COQ8A: variants seen among roughly 807,000 people sequenced by gnomAD.
The protein encoded by COQ8A is coenzyme Q8A.
In COQ8A, 51 loss-of-function variants were observed where a neutral mutation model predicts 65.0. The observed-to-expected ratio is 0.78, with a 90% confidence interval of 0.63 to 0.99. The LOEUF (loss-of-function observed/expected upper bound fraction) is 0.99, where lower values mean the gene tolerates loss of function less well. COQ8A is among the 50% of genes least tolerant of loss of function. The pLI is 0.00. For missense variants in COQ8A, 940 were observed against 875.0 expected, an observed-to-expected ratio of 1.07 and a Z score of -0.94; for synonymous variants, 371 against 353.2, an observed-to-expected ratio of 1.05 and a Z score of -0.57.
chr1:226,984,447 A>G lies in COQ8A; in HGVS notation c.1399-101A>G, dbSNP rs988854661. 62 of 1,296,516 alleles carry G rather than the reference A, an allele frequency of 4.8e-5. No individual in the cohort carries two copies. In the Middle Eastern group the frequency reaches 1.3e-3, roughly 27 times the overall value. The allele number at this position is 1,296,516 out of a possible 1,614,324, so 80.3% of individuals were successfully genotyped here. A position where few individuals can be genotyped will look rare whatever the true frequency, so the allele number is the denominator to read the frequency against. On this transcript the variant is annotated intron_variant, in intron 11 of 14. Coordinates refer to ENST00000366777, the MANE Select transcript of COQ8A (RefSeq NM_020247.5). Reference sequence around the variant, plus strand: ...CTGGGAATCAAACAGTCCCTAGGGTAGGGTGGGTAAAACAGGAGGCAGGGG... The same window carrying G: ...CTGGGAATCAAACAGTCCCTAGGGTGGGGTGGGTAAAACAGGAGGCAGGGG...
In COQ8A at chr1:226,986,482, C is replaced by T; in HGVS notation, c.1689C>T (p.Ile563=). 6.2e-7 allele frequency: 1 copy of T among 1,613,304 alleles called. No individual in the cohort carries two copies. The highest frequency in any genetic ancestry group is 8.5e-7 in the Non-Finnish European group (1 of 1,180,008). The change falls in exon 15 of 15, where the codon ATC becomes ATT. Residue 563 remains isoleucine (I), a synonymous_variant. Transcript: ENST00000366777. ...KVMEDAHLDA[I]LILGEAFASD... ...TGGAAGACGCCCACTTGGATGCCAT[C>T]CTCATCCTGGGGGAGGCCTTCGCCT...
At chr1:226,942,384 G>A (rs1363981934) in intron 1 of COQ8A, among the ~76,000 whole-genome samples, 1 of 152,004 alleles carries the variant, frequency 6.6e-6, no homozygotes, top group Non-Finnish European at 1.5e-5. Flanking sequence ...GGCATGTACT[G>A]TGCCTGCTAA....
In COQ8A at chr1:226,965,174, G is replaced by A; in HGVS notation, c.352G>A (p.Ala118Thr). The A allele has an allele frequency of 6.2e-7, 1 of 1,613,796 alleles. No individual in the cohort carries two copies. Among genetic ancestry groups the A allele is most frequent in the Non-Finnish European group, 8.5e-7 (1 of 1,180,040 alleles). The part of the protein sequence containing the change: ...GHAHSEGPAP[A>T]YVASGPFREA... ...TGCCCACAGCGAGGGCCCAGCTCCT[G>A]CCTACGTGGCCAGTGGACCCTTTAG... Residue 118 changes from alanine to threonine, a missense_variant, in exon 3 of 15, where the codon GCC becomes ACC. Coordinates refer to ENST00000366777, the MANE Select transcript of COQ8A (RefSeq NM_020247.5).
intron 4 of COQ8A, among the ~76,000 whole-genome samples, chr1:226,970,926 G>A (rs906211246): frequency 6.6e-6 from 1 of 151,840 alleles, no homozygotes; most frequent in African/African-American, 2.4e-5. Flanking sequence ...AATTCTTTTA[G>A]TTTTTATTTA....
At chr1:226,948,171 G>T (rs916537562) in intron 1 of COQ8A, among the ~76,000 whole-genome samples, 1 of 152,194 alleles carries the variant, frequency 6.6e-6, no homozygotes, top group Non-Finnish European at 1.5e-5. Flanking sequence ...TAGAATCAAG[G>T]TATCAGCTGG....
At chr1:226,980,245 C>T (rs2148119216) in intron 5 of COQ8A, among the ~76,000 whole-genome samples, 1 of 152,360 alleles carries the variant, frequency 6.6e-6, no homozygotes, top group South Asian at 2.1e-4. Context: ...CCCCACTTGC[C>T]AGGTCATTCT....
At chr1:226,947,954 A>G (rs1657144226) in intron 1 of COQ8A, among the ~76,000 whole-genome samples, 2 of 152,184 alleles carry the variant, frequency 1.3e-5, no homozygotes, top group African/African-American at 4.8e-5. Context: ...GTTGGCATTC[A>G]GTAGTATTTG....
chr1:226,984,870 C>A lies in COQ8A; in HGVS notation c.1507-6C>A. ...GCCAAACTTCTCCTGGTGTCTCTGT[C>A]CCCAGGTGGCTCTTTTGGATTTTGG... On this transcript the variant is annotated splice_polypyrimidine_tract_variant and splice_region_variant and intron_variant, in intron 12 of 14. Coordinates refer to ENST00000366777, the MANE Select transcript of COQ8A (RefSeq NM_020247.5). 1 of 1,614,176 alleles carries A rather than the reference C, an allele frequency of 6.2e-7. No homozygotes were observed. Among genetic ancestry groups the A allele is most frequent in the Non-Finnish European group, 8.5e-7 (1 of 1,180,004 alleles).
intron 4 of COQ8A, among the ~76,000 whole-genome samples, chr1:226,969,991 C>G (rs1658790089): frequency 6.6e-6 from 1 of 151,658 alleles, no homozygotes; most frequent in Non-Finnish European, 1.5e-5. Flanking sequence ...TTTTTGGAGA[C>G]AGTCTCGCTC....
intron 3 of COQ8A, 101 bp from the exon 4 acceptor site, chr1:226,965,570 G>A: frequency 6.6e-7 from 1 of 1,521,438 alleles, no homozygotes; most frequent in Non-Finnish European, 9.1e-7. Flanking sequence ...CGGAGCTGCT[G>A]ACTGTGGGGT....
rs548317868 is a variant in COQ8A, at chr1:226,983,003, A to G, written c.1049A>G (p.Lys350Arg). Residue 350 changes from lysine to arginine, a missense_variant, in exon 8 of 15, where the codon AAG (lysine) becomes AGG (arginine). By Grantham distance (26) the Lys-to-Arg change is conservative. Transcript: ENST00000366777. ...GGGCAGGTGCACTTGGCCCGAATGA[A>G]GGGCGGCCGCGAGGTGGCCATGAAG... Reference protein sequence around the residue: ...SIGQVHLARMKGGREVAMKIQ... With the variant: ...SIGQVHLARMRGGREVAMKIQ... 246 of 1,596,440 alleles carry G rather than the reference A, an allele frequency of 1.5e-4. 1 individual carries two copies. The South Asian group carries it at 2.7e-3, about 17-fold the overall frequency.
In COQ8A at chr1:226,969,423, C is replaced by T. The variant is rs187263919; in HGVS notation, c.655+3686C>T. ...AAGTGATTCTCCTGCCTCAGCCTCC[C>T]GAGTAGCTGAGACTACACGTGCGTG... On this transcript the variant is annotated intron_variant, in intron 4 of 14. Transcript: ENST00000366777. Among the ~76,000 whole-genome samples the T allele has an allele frequency of 6.0e-3, 916 of 152,242 alleles. 10 individuals are homozygous for T. Among genetic ancestry groups the T allele is most frequent in the African/African-American group, 0.021 (861 of 41,544 alleles).
chr1:226,947,593 G>C (rs1401650599), intron 1 of COQ8A, among the ~76,000 whole-genome samples: 1 of 152,134 alleles, frequency 6.6e-6, no homozygotes, highest in African/African-American at 2.4e-5. Flanking sequence ...GATCACTTGA[G>C]GTCGGGGGTT....
chr1:226,965,367 G>T lies in COQ8A; in HGVS notation c.545G>T (p.Arg182Leu), dbSNP rs374860701. 6.2e-7 allele frequency: 1 copy of T among 1,612,070 alleles called. No individual in the cohort carries two copies. The highest frequency in any genetic ancestry group is 8.5e-7 in the Non-Finnish European group (1 of 1,179,608). Residue 182 changes from arginine (R) to leucine (L), a missense_variant, in exon 3 of 15, where the codon CGG becomes CTG. Transcript: ENST00000366777. ...GLTAEDIEKARQAKARPENKQ... is the reference protein window; with the variant it reads ...GLTAEDIEKALQAKARPENKQ... ...ACAGCCGAGGACATTGAGAAGGCCC[G>T]GCAGGCTAAGGCTCGCCCCGAGAAC...
chr1:226,985,677 TG>T (rs1660060297), intron 14 of COQ8A, among the ~76,000 whole-genome samples: 1 of 152,172 alleles, frequency 6.6e-6, no homozygotes, highest in African/African-American at 2.4e-5. Context: ...CGAGCCTCCC[TG>T]GGGGGAGTTG....
chr1:226,984,709 G>A, intron 12 of COQ8A, 54 bp downstream of exon 12: 1 of 1,553,696 alleles, frequency 6.4e-7, no homozygotes, highest in Middle Eastern at 1.7e-4. Flanking sequence ...TCTCCGAATG[G>A]GGCACGTGAG....
At chr1:226,977,579 G>A in intron 5 of COQ8A, 56 bp downstream of exon 5, 19 of 1,520,478 alleles carry the variant, frequency 1.2e-5, no homozygotes, top group Non-Finnish European at 1.7e-5. Context: ...GGTTGAGCCT[G>A]TCAGCCCCCA....
chr1:226,942,958 A>G (rs573824329), intron 1 of COQ8A, among the ~76,000 whole-genome samples: 1 of 152,328 alleles, frequency 6.6e-6, no homozygotes, highest in African/African-American at 2.4e-5. Context: ...AAAACTGAAA[A>G]ACAGGGATTT....
Position 226,977,531 on chromosome 1 carries a change from G to T in COQ8A, c.730+8G>T. The stretch of plus-strand genomic sequence containing the variant: ...GCTCCGAGGACCCCTCAGGTGAGCC[G>T]GGCCCTTCAGTGGGAGGGGCAGGGT... On this transcript the variant is annotated splice_region_variant and intron_variant, in intron 5 of 14. Coordinates refer to ENST00000366777, the MANE Select transcript of COQ8A (RefSeq NM_020247.5). 1 of 1,554,406 alleles carries T rather than the reference G, an allele frequency of 6.4e-7. No homozygotes were observed. The highest frequency in any genetic ancestry group is 1.7e-4 in the Middle Eastern group (1 of 5,852).
Sources: gnomAD v4.1 joint callset for allele counts (sites outside exome capture counted in the v4.1 genomes callset) on GRCh38, gnomAD v4.1.1 for gene constraint, MANE v1.5 for transcripts, NCBI Gene and HGNC (gene_info 2026-07-23, HGNC 2026-07-21) for gene names.